IL1RAPL1: variants seen among roughly 807,000 people sequenced by gnomAD.
IL1RAPL1 encodes the protein interleukin-1 receptor accessory protein-like 1.
In IL1RAPL1, 3 loss-of-function variants were observed where a neutral mutation model predicts 48.4. That is an observed-to-expected ratio of 0.06 (90% CI 0.03 to 0.16). The LOEUF (loss-of-function observed/expected upper bound fraction) is 0.16. IL1RAPL1 is among the 10% of genes least tolerant of loss of function. IL1RAPL1 has a pLI of 1.00. For synonymous variants in IL1RAPL1, 185 were observed against 187.7 expected, an observed-to-expected ratio of 0.99 and a Z score of 0.12; for missense variants, 349 against 530.6, an observed-to-expected ratio of 0.66 and a Z score of 3.36.
In IL1RAPL1 at chrX:28,941,107, T is replaced by G. The variant is rs767133902; in HGVS notation, c.82+151682T>G. ...GAACAGTTTTAAGTATAAAAAAATTTGAAATTCTGTTCTAGTGTGAAAATA... is the reference window on the plus strand; with the variant it reads ...GAACAGTTTTAAGTATAAAAAAATTGGAAATTCTGTTCTAGTGTGAAAATA... On this transcript the variant is annotated intron_variant, in intron 2 of 10. Coordinates refer to ENST00000378993, the MANE Select transcript of IL1RAPL1 (RefSeq NM_014271.4). Among the ~76,000 whole-genome samples the G allele has an allele frequency of 2.7e-5, 3 of 111,467 alleles. No individual in the cohort carries two copies. The East Asian group carries it at 8.4e-4, about 31-fold the overall frequency.
At chrX:29,716,246 G>A (rs1472845712) in intron 6 of IL1RAPL1, among the ~76,000 whole-genome samples, 1 of 111,239 alleles carries the variant, frequency 9.0e-6, no homozygotes, top group Non-Finnish European at 1.9e-5. Context: ...GATGCAGGCT[G>A]CCCAGTAAGA....
chrX:28,722,677 G>A (rs185781153), intron 1 of IL1RAPL1, among the ~76,000 whole-genome samples: 3,166 of 111,246 alleles, frequency 0.028, 118 homozygotes, highest in African/African-American at 0.098. Flanking sequence ...GCCAGTTTTC[G>A]AAGGGAATGC....
At chrX:28,884,105 G>A in intron 2 of IL1RAPL1, among the ~76,000 whole-genome samples, 1 of 111,561 alleles carries the variant, frequency 9.0e-6, no homozygotes, top group East Asian at 2.8e-4. Context: ...CAGCGCACAA[G>A]CATGGCACAT....
At chrX:29,038,263 C>A (rs1287516562) in intron 2 of IL1RAPL1, among the ~76,000 whole-genome samples, 1 of 111,511 alleles carries the variant, frequency 9.0e-6, no homozygotes, top group Non-Finnish European at 1.9e-5. Context: ...CTAGATTAAA[C>A]ATTTTAATTT....
At position 29,034,515 on chromosome X, in the gene IL1RAPL1, CT is replaced by C. The variant is rs1302271191; in HGVS notation, c.82+245092del. On this transcript the variant is annotated intron_variant, in intron 2 of 10. Coordinates refer to ENST00000378993, the MANE Select transcript of IL1RAPL1 (RefSeq NM_014271.4). ...TTGATAAAGAATGGATTCCTCTACT[CT>C]TAGTTGGTTCTGAATCATCAAGATA... Among the ~76,000 whole-genome samples the C allele has an allele frequency of 2.7e-5, 3 of 112,193 alleles. No individual in the cohort carries two copies. In the Admixed American group the frequency reaches 2.8e-4, roughly 11 times the overall value.
intron 6 of IL1RAPL1, among the ~76,000 whole-genome samples, chrX:29,710,287 G>C (rs1235430350): frequency 9.1e-6 from 1 of 109,331 alleles, no homozygotes; most frequent in Non-Finnish European, 1.9e-5. Flanking sequence ...GATAATGTTA[G>C]CCGTGGGTGT....
At chrX:29,874,866 T>A (rs947687457) in intron 6 of IL1RAPL1, among the ~76,000 whole-genome samples, 2 of 112,260 alleles carry the variant, frequency 1.8e-5, no homozygotes. Flanking sequence ...CCAAAAAAAA[T>A]TTCATCTTAG....
intron 2 of IL1RAPL1, among the ~76,000 whole-genome samples, chrX:28,836,336 T>TTATATATATATA (rs34343530): frequency 2.3e-5 from 2 of 85,329 alleles, no homozygotes. Flanking sequence ...CTTCCCAATT[T>TTATATATATATA]TATATATATA....
intron 6 of IL1RAPL1, among the ~76,000 whole-genome samples, chrX:29,861,223 G>C (rs1278221862): frequency 9.0e-6 from 1 of 111,702 alleles, no homozygotes; most frequent in Non-Finnish European, 1.9e-5. Context: ...CTAAAGAGAA[G>C]ACTTTGTTGC....
intron 6 of IL1RAPL1, among the ~76,000 whole-genome samples, chrX:29,875,608 T>A (rs751382344): frequency 5.3e-4 from 59 of 111,790 alleles, no homozygotes; most frequent in African/African-American, 1.9e-3. Context: ...CCATTAGAAA[T>A]TCAGCTTGCA....
intron 2 of IL1RAPL1, among the ~76,000 whole-genome samples, chrX:29,203,491 C>G (rs1220057512): frequency 1.8e-5 from 2 of 109,748 alleles, no homozygotes; most frequent in Non-Finnish European, 3.8e-5. Flanking sequence ...GAGGCCAAGG[C>G]TGGTGGATCA....
chrX:28,815,334 T>C (rs1175382279), intron 2 of IL1RAPL1, among the ~76,000 whole-genome samples: 1 of 110,657 alleles, frequency 9.0e-6, no homozygotes. Flanking sequence ...TTTCTTTTTT[T>C]ATTGTTACAT....
chrX:29,528,174 C>T (rs1362971239), intron 5 of IL1RAPL1, among the ~76,000 whole-genome samples: 2 of 112,300 alleles, frequency 1.8e-5, no homozygotes, highest in African/African-American at 6.5e-5. Context: ...AGATATATCT[C>T]CTACAATGCA....
intron 5 of IL1RAPL1, among the ~76,000 whole-genome samples, chrX:29,468,541 G>A (rs1045551196): frequency 2.3e-5 from 2 of 88,698 alleles, no homozygotes; most frequent in South Asian, 7.6e-4. Flanking sequence ...GCATAGTGGC[G>A]ATAATTCTTC....
chrX:29,243,721 T>A (rs917107693), intron 2 of IL1RAPL1, among the ~76,000 whole-genome samples: 1 of 111,757 alleles, frequency 8.9e-6, no homozygotes, highest in Non-Finnish European at 1.9e-5. Flanking sequence ...ACATCTTTTC[T>A]CTCATCTACC....
At chrX:28,780,320 AGTGTGTGTGTGTATGTGTGTGTGT>A (rs1467432897) in intron 1 of IL1RAPL1, among the ~76,000 whole-genome samples, 1 of 82,657 alleles carries the variant, frequency 1.2e-5, no homozygotes, top group Admixed American at 1.4e-4. Context: ...TTTCAATCAC[AGTGTGTGTGTGTATGTGTGTGTGT>A]GTGTGTGTGT....
At chrX:29,097,194 G>A (rs1482103255) in intron 2 of IL1RAPL1, among the ~76,000 whole-genome samples, 4 of 111,433 alleles carry the variant, frequency 3.6e-5, no homozygotes, top group Admixed American at 9.6e-5. Flanking sequence ...ATTCTTTTAC[G>A]TTCACTAAAT....
chrX:29,333,682 G>A (rs1359708468), intron 3 of IL1RAPL1, among the ~76,000 whole-genome samples: 1 of 79,412 alleles, frequency 1.3e-5, no homozygotes, highest in Non-Finnish European at 2.4e-5. Flanking sequence ...CTCACCTCCC[G>A]GACTGGGTGG....
At chrX:28,768,048 T>G (rs1936261677) in intron 1 of IL1RAPL1, among the ~76,000 whole-genome samples, 1 of 111,507 alleles carries the variant, frequency 9.0e-6, no homozygotes, top group Non-Finnish European at 1.9e-5. Context: ...GTGTTGTATT[T>G]ATAAAGATAT....
Sources: allele counts gnomAD v4.1 joint callset (sites outside exome capture counted in the v4.1 genomes callset), GRCh38; gene constraint gnomAD v4.1.1; transcripts MANE v1.5; gene names NCBI Gene and HGNC (gene_info 2026-07-23, HGNC 2026-07-21).